WRNIP1: variants seen among roughly 807,000 people sequenced by gnomAD.
The protein encoded by WRNIP1 is WRN helicase interacting protein 1, also known as ATPase WRNIP1.
WRNIP1 carries 41 observed loss-of-function variants against 56.1 expected under a neutral mutation model. The ratio of observed to expected loss-of-function variants is 0.73; its 90% confidence interval spans 0.57 to 0.95. The LOEUF is 0.95. Ranked by LOEUF, WRNIP1 falls within the 40% of genes least tolerant of loss-of-function variation. The pLI, the probability that WRNIP1 is intolerant of heterozygous loss-of-function variation, is 0.00. For missense variants in WRNIP1, 1,170 were observed against 939.4 expected (o/e 1.25, Z -3.21); for synonymous variants, 547 against 398.1 (o/e 1.37, Z -4.45).
chr6:2,775,826 A>G (rs1765418781), intron 3 of WRNIP1, among the ~76,000 whole-genome samples: 1 of 152,146 alleles, frequency 6.6e-6, no homozygotes, highest in Non-Finnish European at 1.5e-5. Context: ...ATTTTAACCA[A>G]TTTTCCCTTA....
intron 3 of WRNIP1, among the ~76,000 whole-genome samples, chr6:2,776,854 A>T (rs1174258944): frequency 6.6e-6 from 1 of 152,214 alleles, no homozygotes; most frequent in East Asian, 1.9e-4. Flanking sequence ...ATACCAAAAT[A>T]CTAACGTCAA....
intron 4 of WRNIP1, 88 bp from the exon 5 acceptor site, chr6:2,783,318 G>C (rs1484811820): frequency 2.8e-6 from 4 of 1,406,074 alleles, no homozygotes; most frequent in Non-Finnish European, 3.8e-6. Context: ...ATTCGTTCAG[G>C]CTTTCTGGAA....
intron 3 of WRNIP1, chr6:2,773,373 G>A (rs1049315712): frequency 2.0e-6 from 2 of 985,300 alleles, no homozygotes; most frequent in African/African-American, 3.5e-5. Flanking sequence ...GCGTAGAGAA[G>A]CAGCATTCAG....
At chr6:2,773,274 T>C in intron 3 of WRNIP1, 2 of 985,466 alleles carry the variant, frequency 2.0e-6, no homozygotes, top group Non-Finnish European at 2.4e-6. Context: ...GAAAAGCTTG[T>C]TCCTGTGCCT....
chr6:2,781,705 G>A (rs1345804456), intron 4 of WRNIP1, among the ~76,000 whole-genome samples: 1 of 152,240 alleles, frequency 6.6e-6, no homozygotes, highest in Non-Finnish European at 1.5e-5. Flanking sequence ...CAGATTTCAG[G>A]TTATAAAGCA....
chr6:2,781,442 C>T (rs563585318), intron 4 of WRNIP1, among the ~76,000 whole-genome samples: 1 of 152,266 alleles, frequency 6.6e-6, no homozygotes, highest in Non-Finnish European at 1.5e-5. Context: ...GCTGCTTTTA[C>T]AGGCTTTGCT....
intron 5 of WRNIP1, 92 bp downstream of exon 5, chr6:2,783,653 T>TTTTTTTTTTTGA: frequency 8.3e-6 from 1 of 119,820 alleles, no homozygotes; most frequent in Non-Finnish European, 1.1e-5. Flanking sequence ...TTTTTTTTTT[T>TTTTTTTTTTTGA]GCAGGGCGGG....
chr6:2,783,026 G>A (rs1765600917), intron 4 of WRNIP1, among the ~76,000 whole-genome samples: 1 of 152,204 alleles, frequency 6.6e-6, no homozygotes, highest in African/African-American at 2.4e-5. Context: ...GCCCACCGTT[G>A]CTTTTCCTCC....
At chr6:2,784,904 G>C in intron 6 of WRNIP1, 103 bp from the exon 7 acceptor site, 1 of 1,408,348 alleles carries the variant, frequency 7.1e-7, no homozygotes, top group South Asian at 1.3e-5. Context: ...AAAAGCATGT[G>C]GGGATCTTCT....
intron 3 of WRNIP1, chr6:2,773,111 G>C (rs574994515): frequency 6.5e-4 from 639 of 985,402 alleles, no homozygotes; most frequent in Middle Eastern, 1.6e-3. Context: ...TTGCACTTGA[G>C]GAATTGTGAG....
intron 3 of WRNIP1, among the ~76,000 whole-genome samples, chr6:2,776,830 T>C (rs983695653): frequency 6.6e-6 from 1 of 152,178 alleles, no homozygotes; most frequent in East Asian, 1.9e-4. Flanking sequence ...GACAAATTCA[T>C]GGAGAAGGGA....
intron 2 of WRNIP1, 21 bp downstream of exon 2, chr6:2,768,903 C>T (rs762011486): frequency 3.0e-5 from 48 of 1,589,432 alleles, no homozygotes; most frequent in Middle Eastern, 4.4e-4. Context: ...TTCCTTCTAC[C>T]TTTTGGTCGT....
rs905564540 is a variant in WRNIP1 at position 2,765,452 on chromosome 6, G to A, written c.-171G>A. The stretch of plus-strand genomic sequence containing the variant: ...CGGCCGGCCGAGGGCGGGCGGACGC[G>A]GGAGCTGCGGACGTGAGGCATGAGC... On this transcript the variant is annotated 5_prime_UTR_variant, in exon 1 of 7. Coordinates refer to ENST00000380773, the MANE Select transcript of WRNIP1 (RefSeq NM_020135.3). 5 of 775,172 alleles carry A rather than the reference G, an allele frequency of 6.5e-6. No individual in the cohort carries two copies. Among genetic ancestry groups the A allele is most frequent in the East Asian group, 4.0e-5 (1 of 24,842 alleles). 48.0% of individuals were successfully genotyped at this position (775,172 alleles called of 1,614,324 possible). A position where few individuals can be genotyped will look rare whatever the true frequency, so the allele number is the denominator to read the frequency against.
intron 4 of WRNIP1, among the ~76,000 whole-genome samples, chr6:2,783,156 G>A (rs908649820): frequency 1.3e-5 from 2 of 152,170 alleles, no homozygotes; most frequent in Non-Finnish European, 2.9e-5. Flanking sequence ...CTGTGCGTGT[G>A]CGTGCACTCC....
intron 3 of WRNIP1, chr6:2,773,987 G>A: frequency 5.1e-6 from 5 of 985,266 alleles, no homozygotes; most frequent in Non-Finnish European, 6.0e-6. Context: ...TGACAAGCTG[G>A]CCCCCAAACA....
At chr6:2,776,922 A>AT (rs1346484917) in intron 3 of WRNIP1, among the ~76,000 whole-genome samples, 5 of 152,176 alleles carry the variant, frequency 3.3e-5, no homozygotes, top group African/African-American at 1.2e-4. Context: ...TTTAATGTAA[A>AT]TTTTTTTAAA....
intron 2 of WRNIP1, among the ~76,000 whole-genome samples, chr6:2,769,487 A>G (rs1765182336): frequency 6.6e-6 from 1 of 152,174 alleles, no homozygotes; most frequent in African/African-American, 2.4e-5. Context: ...TTAAATTTTT[A>G]GGCATAACTT....
At chr6:2,782,950 G>A (rs1258828729) in intron 4 of WRNIP1, among the ~76,000 whole-genome samples, 7 of 152,216 alleles carry the variant, frequency 4.6e-5, no homozygotes, top group Non-Finnish European at 1.0e-4. Flanking sequence ...AAATGACACT[G>A]AGGAACAGAT....
chr6:2,771,893 G>A (rs1035485575), intron 3 of WRNIP1, among the ~76,000 whole-genome samples: 1 of 152,152 alleles, frequency 6.6e-6, no homozygotes, highest in Non-Finnish European at 1.5e-5. Flanking sequence ...TCTGTGTACT[G>A]GTTATCGTAA....
Sources: gnomAD v4.1 joint callset for allele counts (sites outside exome capture counted in the v4.1 genomes callset) on GRCh38, gnomAD v4.1.1 for gene constraint, MANE v1.5 for transcripts, NCBI Gene and HGNC (gene_info 2026-07-23, HGNC 2026-07-21) for gene names.